SLC19A1: variants seen among roughly 807,000 people sequenced by gnomAD.
SLC19A1 encodes reduced folate transporter.
SLC19A1 carries 37 observed loss-of-function variants against 35.3 expected under a neutral mutation model. The observed-to-expected ratio is 1.05, with a 90% CI of 0.81 to 1.38. The LOEUF is 1.38. SLC19A1 is among the 40% of genes most tolerant of loss of function. SLC19A1 has a pLI of 0.00. For synonymous variants in SLC19A1, 460 were observed against 398.5 expected, an observed-to-expected ratio of 1.15 and a Z score of -1.84; for missense variants, 831 against 826.9, an observed-to-expected ratio of 1.00 and a Z score of -0.06.
Position 45,515,621 on chromosome 21 carries a change from G to C in SLC19A1, c.*37C>G, listed in dbSNP as rs2037873490. 7 of 1,611,498 alleles carry C rather than the reference G, an allele frequency of 4.3e-6. No individual in the cohort carries two copies. Among genetic ancestry groups the C allele is most frequent in the Non-Finnish European group, 5.1e-6 (6 of 1,179,888 alleles). ...GGCAGGGGTCGTGGGGATGCACTGA[G>C]GGCCGCCTGCAAAGTTACCACAGGG... On this transcript the variant is annotated 3_prime_UTR_variant, in exon 6 of 6. Coordinates refer to ENST00000311124, the MANE Select transcript of SLC19A1 (RefSeq NM_194255.4).
upstream of SLC19A1, among the ~76,000 whole-genome samples, chr21:45,543,051 T>A (rs1411787716): frequency 6.6e-6 from 1 of 151,870 alleles, no homozygotes; most frequent in Non-Finnish European, 1.5e-5. Flanking sequence ...CCGTGACCCG[T>A]ACGGGCTTGT....
chr21:45,534,656 G>A lies in SLC19A1; in HGVS notation c.190-2508C>T. The A allele has an allele frequency of 1.3e-6, 2 of 1,492,112 alleles. No homozygotes were observed. Among genetic ancestry groups the A allele is most frequent in the Non-Finnish European group, 1.8e-6 (2 of 1,107,798 alleles). The allele number at this position is 1,492,112 out of a possible 1,614,324, so 92.4% of individuals were successfully genotyped here. A position where few individuals can be genotyped will look rare whatever the true frequency, so the allele number is the denominator to read the frequency against. On this transcript the variant is annotated intron_variant, in intron 2 of 5. Transcript: ENST00000311124. The surrounding 1 kb of genome is among the most constrained non-coding windows in gnomAD (Gnocchi z 4.2). ...GGGTCTGAGCGCAGAGCTCCCCCTTGGCAGCCACCCAGAGCCCTCCCGCTC... is the reference window on the plus strand; with the variant it reads ...GGGTCTGAGCGCAGAGCTCCCCCTTAGCAGCCACCCAGAGCCCTCCCGCTC...
Position 45,533,830 on chromosome 21 carries a change from C to T in SLC19A1, c.190-1682G>A, listed in dbSNP as rs2078018059. The stretch of plus-strand genomic sequence containing the variant: ...GGGGCTCTCAGCCTCGTGTCTGGCA[C>T]ACCCAAGATGTGTGGCCCGATGTGC... On this transcript the variant is annotated intron_variant, in intron 2 of 5. Coordinates refer to ENST00000311124, the MANE Select transcript of SLC19A1 (RefSeq NM_194255.4). The surrounding 1 kb of genome is among the most constrained non-coding windows in gnomAD (Gnocchi z 4.5). Among the ~76,000 whole-genome samples, 1 of 152,190 alleles carries T rather than the reference C, an allele frequency of 6.6e-6. No individual in the cohort carries two copies. The highest frequency in any genetic ancestry group is 2.4e-5 in the African/African-American group (1 of 41,460).
chr21:45,515,347 G>A lies in SLC19A1; in HGVS notation c.*311C>T, dbSNP rs1017068942. 41 of 1,439,220 alleles carry A rather than the reference G, an allele frequency of 2.8e-5. No individual in the cohort carries two copies. In the Admixed American group the frequency reaches 1.2e-3, roughly 41 times the overall value. The allele number at this position is 1,439,220 out of a possible 1,614,324, so 89.2% of individuals were successfully genotyped here. On this transcript the variant is annotated 3_prime_UTR_variant, in exon 6 of 6. Coordinates refer to ENST00000311124, the MANE Select transcript of SLC19A1 (RefSeq NM_194255.4). ...CTTCACTAGCCCTGGGGGGCAGAAA[G>A]GATTTGTCTCAAGCCCCCCAAGGGG...
downstream of SLC19A1, among the ~76,000 whole-genome samples, chr21:45,510,946 C>T (rs12483447): frequency 8.7e-5 from 5 of 57,428 alleles, no homozygotes; most frequent in Admixed American, 5.4e-4. Context: ...AAAACACACA[C>T]CCACAACACC....
At chr21:45,553,329 C>T (rs1422378141) in intron 1 of SLC19A1, among the ~76,000 whole-genome samples, 1 of 152,006 alleles carries the variant, frequency 6.6e-6, no homozygotes, top group Non-Finnish European at 1.5e-5. Flanking sequence ...AGGCCACATC[C>T]TCCCTCCAGC....
In SLC19A1 at chr21:45,515,606, G is replaced by A. The variant is rs558043301; in HGVS notation, c.*52C>T. ...GCAGGCGGCCCTCGAGGCAGGGGTCGTGGGGATGCACTGAGGGCCGCCTGC... is the reference window on the plus strand; with the variant it reads ...GCAGGCGGCCCTCGAGGCAGGGGTCATGGGGATGCACTGAGGGCCGCCTGC... On this transcript the variant is annotated 3_prime_UTR_variant, in exon 6 of 6. Transcript: ENST00000311124. 1.6e-4 allele frequency: 258 copies of A among 1,608,592 alleles called. No individual in the cohort carries two copies. Among genetic ancestry groups the A allele is most frequent in the Middle Eastern group, 3.4e-4 (2 of 5,948 alleles).
At chr21:45,559,101 C>T (rs1202438980) in intron 1 of SLC19A1, among the ~76,000 whole-genome samples, 2 of 152,140 alleles carry the variant, frequency 1.3e-5, no homozygotes, top group African/African-American at 4.8e-5. Context: ...GCCACCGTGC[C>T]TGGCCTAAAT....
At chr21:45,536,282 A>G (rs1348542267) in intron 2 of SLC19A1, 1 of 153,784 alleles carries the variant, frequency 6.5e-6, no homozygotes, top group Non-Finnish European at 1.4e-5. Flanking sequence ...TTTGCTCTAG[A>G]GACTTTTCTT....
chr21:45,548,944 G>T (rs1409998249), upstream of SLC19A1, among the ~76,000 whole-genome samples: 1 of 152,172 alleles, frequency 6.6e-6, no homozygotes, highest in Non-Finnish European at 1.5e-5. Context: ...ATGGGGATGT[G>T]AAATGTTACA....
At chr21:45,531,315 A>C in intron 3 of SLC19A1, 74 bp downstream of exon 3, 3 of 1,510,602 alleles carry the variant, frequency 2.0e-6, no homozygotes, top group Non-Finnish European at 2.7e-6. Context: ...CTCCGGGGGA[A>C]GGATCCACGG....
chr21:45,523,561 GGGTCCC>G lies in SLC19A1; in HGVS notation c.1293+2250_1293+2255del, dbSNP rs1488273245. Among the ~76,000 whole-genome samples the G allele has an allele frequency of 1.3e-4, 20 of 152,310 alleles. 1 individual carries two copies. Among genetic ancestry groups the G allele is most frequent in the African/African-American group, 4.1e-4 (17 of 41,584 alleles). On this transcript the variant is annotated intron_variant, in intron 5 of 5. Transcript: ENST00000311124. ...TGGGCCCTTAGAAGCCCACCGTGAG[GGGTCCC>G]CTCCACAGGGCAGCTACAGGGGAGC...
At chr21:45,538,687 G>A (rs1233600529) in intron 1 of SLC19A1, among the ~76,000 whole-genome samples, 1 of 152,222 alleles carries the variant, frequency 6.6e-6, no homozygotes, top group African/African-American at 2.4e-5. Flanking sequence ...ACACGCGTGG[G>A]AGGGAGGATG....
At chr21:45,509,274 C>G (rs191997585), downstream of SLC19A1, 2 of 1,520,112 alleles carry the variant, frequency 1.3e-6, no homozygotes, top group East Asian at 4.9e-5. Flanking sequence ...GCCCCTCTCA[C>G]CCAGCCCAGA....
rs2077817843 is a variant in SLC19A1, at chr21:45,530,194, ATG to A, written c.1151+574_1151+575del. On this transcript the variant is annotated intron_variant, in intron 4 of 5. Coordinates refer to ENST00000311124, the MANE Select transcript of SLC19A1 (RefSeq NM_194255.4). The surrounding 1 kb of genome is among the most constrained non-coding windows in gnomAD (Gnocchi z 5.3). ...GTGCGTCCATGTGTAGTGGGTGTCC[ATG>A]TGTGATATATCCATGTGTGAACATG... is the stretch of plus-strand genomic sequence containing the variant. Among the ~76,000 whole-genome samples the A allele has an allele frequency of 6.8e-6, 1 of 146,594 alleles. No homozygotes were observed. Among genetic ancestry groups the A allele is most frequent in the African/African-American group, 2.6e-5 (1 of 39,192 alleles).
In SLC19A1 at chr21:45,530,712, C is replaced by T; in HGVS notation, c.1151+58G>A. ...AGGAAGGTGGGAGCACCCAGCGAAG[C>T]GCGGGGCTTGATCCTGGCGCCTGCC... On this transcript the variant is annotated intron_variant, in intron 4 of 5. Transcript: ENST00000311124. This position sits in a 1 kb window ranked among gnomAD's most constrained non-coding sequence, Gnocchi z 5.3. The T allele has an allele frequency of 4.6e-6, 7 of 1,513,294 alleles. No individual in the cohort carries two copies. In the South Asian group the frequency reaches 4.8e-5, roughly 10 times the overall value. The allele number at this position is 1,513,294 out of a possible 1,614,324, so 93.7% of individuals were successfully genotyped here. A position where few individuals can be genotyped will look rare whatever the true frequency, so the allele number is the denominator to read the frequency against.
In SLC19A1 at chr21:45,505,720, A is replaced by C. The variant is rs780155908; in HGVS notation, c.498-7108T>G. On this transcript the variant is annotated intron_variant, in intron 3 of 4. Coordinates refer to the SLC19A1 transcript ENST00000417954. ...CTCATGGGGGCAGCCGCCTCAGTCC[A>C]CACCTGTCCAAAGCCCTGCGGCCCC... The C allele has an allele frequency of 1.6e-3, 1,339 of 856,882 alleles. 5 individuals carry two copies. The highest frequency in any genetic ancestry group is 2.2e-3 in the Non-Finnish European group (1,175 of 534,022). 53.1% of individuals were successfully genotyped at this position (856,882 alleles called of 1,614,324 possible). A position where few individuals can be genotyped will look rare whatever the true frequency, so the allele number is the denominator to read the frequency against.
At chr21:45,504,095 T>C (rs376078514) in intron 3 of SLC19A1, 22 of 1,601,824 alleles carry the variant, frequency 1.4e-5, no homozygotes, top group Non-Finnish European at 1.8e-5. Flanking sequence ...CCCAAGGTCC[T>C]GTACATCCCG....
At position 45,531,346 on chromosome 21, in the gene SLC19A1, A is replaced by C. The variant is rs1442900338; in HGVS notation, c.949+43T>G. The stretch of plus-strand genomic sequence containing the variant: ...CACGGGGCAGGCGGAGGTGGACGGG[A>C]AGCCTCTGCGGGAAGAAGCCTCGGG... On this transcript the variant is annotated intron_variant, in intron 3 of 5. Coordinates refer to ENST00000311124, the MANE Select transcript of SLC19A1 (RefSeq NM_194255.4). The C allele has an allele frequency of 7.8e-6, 12 of 1,536,792 alleles. No individual in the cohort carries two copies. The South Asian group carries it at 1.5e-4, about 19-fold the overall frequency.
Sources: gnomAD v4.1 joint callset for allele counts (sites outside exome capture counted in the v4.1 genomes callset) on GRCh38, gnomAD v4.1.1 for gene constraint, Gnocchi (gnomAD v3.1) non-coding constraint, MANE v1.5 for transcripts, NCBI Gene and HGNC (gene_info 2026-07-23, HGNC 2026-07-21) for gene names.